Variants in ABCB9 observed in about 807,000 individuals in gnomAD.
The protein encoded by ABCB9 is ABC-type oligopeptide transporter ABCB9.
A neutral mutation model predicts 62.0 loss-of-function variants in ABCB9; 36 were observed. That is an observed-to-expected ratio of 0.58 (90% CI 0.45 to 0.77). The LOEUF (loss-of-function observed/expected upper bound fraction) is 0.77, where lower values mean the gene tolerates loss of function less well. Among genes scored for constraint, ABCB9 ranks in the 30% least tolerant of loss-of-function variants. The pLI, the probability that ABCB9 is intolerant of heterozygous loss-of-function variation, is 0.00. For synonymous variants in ABCB9, 435 were observed against 461.4 expected (o/e 0.94, Z 0.73); for missense variants, 943 against 1,054.7 (o/e 0.89, Z 1.47).
Position 122,947,139 on chromosome 12 carries a change from G to A in ABCB9, c.1054-917C>T, listed in dbSNP as rs549854432. 6.6e-5 allele frequency among the ~76,000 whole-genome samples: 10 copies of A among 152,310 alleles called. No homozygotes were observed. The highest frequency in any genetic ancestry group is 2.4e-4 in the African/African-American group (10 of 41,560). ...GAGGCCTCCCTTAGCTGAACTAAAAGGCAGGGCCTGCAGTGCACACAGAGG... is the reference window on the plus strand; with the variant it reads ...GAGGCCTCCCTTAGCTGAACTAAAAAGCAGGGCCTGCAGTGCACACAGAGG... On this transcript the variant is annotated intron_variant, in intron 5 of 11. Coordinates refer to ENST00000280560, the MANE Select transcript of ABCB9 (RefSeq NM_019625.4). This position sits in a 1 kb window ranked among gnomAD's most constrained non-coding sequence, Gnocchi z 6.0.
At chr12:122,970,591 T>TA (rs2037258882), upstream of ABCB9, among the ~76,000 whole-genome samples, 2 of 152,192 alleles carry the variant, frequency 1.3e-5, no homozygotes, top group Admixed American at 1.3e-4. Flanking sequence ...GAAGAAATGA[T>TA]AGATGTTTGA....
At position 122,946,039 on chromosome 12, in the gene ABCB9, C is replaced by T. The variant is rs143405953; in HGVS notation, c.1237G>A (p.Val413Ile). The change falls in exon 6 of 12, where the codon GTC becomes ATC. Residue 413 changes from valine to isoleucine, a missense_variant. Transcript: ENST00000280560. Reference sequence around the variant, plus strand: ...GGGGCACGTACCCCGCTGCCCCAGACGTAGTACATGTAGGCAGCTGCCTCC... The same window carrying T: ...GGGGCACGTACCCCGCTGCCCCAGATGTAGTACATGTAGGCAGCTGCCTCC... ...RKEAAAYMYYVWGSGLTLLVV... is the reference protein window; with the variant it reads ...RKEAAAYMYYIWGSGLTLLVV... The T allele has an allele frequency of 5.8e-5, 93 of 1,613,698 alleles. No homozygotes were observed. Among genetic ancestry groups the T allele is most frequent in the African/African-American group, 6.7e-5 (5 of 74,918 alleles).
downstream of ABCB9, chr12:122,928,887 A>G (rs1442807791): frequency 1.7e-6 from 1 of 574,286 alleles, no homozygotes; most frequent in African/African-American, 2.0e-5. Context: ...TGGACCACCC[A>G]AAGTCTCTCT....
rs1209542830 is a variant in ABCB9 at position 122,964,202 on chromosome 12, A to G, written c.-88+2085T>C. On this transcript the variant is annotated intron_variant, in intron 1 of 11. Coordinates refer to ENST00000280560, the MANE Select transcript of ABCB9 (RefSeq NM_019625.4). This position sits in a 1 kb window ranked among gnomAD's most constrained non-coding sequence, Gnocchi z 4.7. ...GATCCGCAAGAGACTCAAAACCTGGACAGCAGCCCAGGGGCTTGGCTGACT... is the reference window on the plus strand; with the variant it reads ...GATCCGCAAGAGACTCAAAACCTGGGCAGCAGCCCAGGGGCTTGGCTGACT... Among the ~76,000 whole-genome samples the G allele has an allele frequency of 6.6e-6, 1 of 152,126 alleles. No homozygotes were observed. The highest frequency in any genetic ancestry group is 1.5e-5 in the Non-Finnish European group (1 of 68,004).
intron 5 of ABCB9, among the ~76,000 whole-genome samples, chr12:122,946,987 G>A (rs959200934): frequency 2.6e-5 from 4 of 152,254 alleles, no homozygotes; most frequent in African/African-American, 9.6e-5. Flanking sequence ...CGCCCCAGCC[G>A]CAGGAAGCAT....
Position 122,960,599 on chromosome 12 carries a change from TAAGGA to T in ABCB9, c.-87-282_-87-278del, listed in dbSNP as rs141431149. Reference sequence around the variant, plus strand: ...ACATACTCATGCAGGAGACAGATAATAAGGAAATGGGCTCACGCCTGTAATCCCAG... The same window carrying T: ...ACATACTCATGCAGGAGACAGATAATAATGGGCTCACGCCTGTAATCCCAG... On this transcript the variant is annotated intron_variant, in intron 1 of 11. Coordinates refer to ENST00000280560, the MANE Select transcript of ABCB9 (RefSeq NM_019625.4). Among the ~76,000 whole-genome samples, 1,412 of 151,760 alleles carry T rather than the reference TAAGGA, an allele frequency of 9.3e-3. 22 individuals carry two copies. The highest frequency in any genetic ancestry group is 0.032 in the African/African-American group (1,323 of 41,352).
rs1416876746 is a variant in ABCB9, at chr12:122,944,305, C to T, written c.1380+86G>A. On this transcript the variant is annotated intron_variant, in intron 7 of 11. Transcript: ENST00000280560. This position sits in a 1 kb window ranked among gnomAD's most constrained non-coding sequence, Gnocchi z 4.9. ...GAGAAATACCACATTGTCAGAGTCC[C>T]TGGAGCCCCGCCCCCACCCTGTTAA... The T allele has an allele frequency of 9.2e-6, 14 of 1,522,376 alleles. No homozygotes were observed. The highest frequency in any genetic ancestry group is 1.4e-5 in the African/African-American group (1 of 72,588). The allele number at this position is 1,522,376 out of a possible 1,614,324, so 94.3% of individuals were successfully genotyped here. A position where few individuals can be genotyped will look rare whatever the true frequency, so the allele number is the denominator to read the frequency against.
intron 10 of ABCB9, among the ~76,000 whole-genome samples, chr12:122,934,163 G>A (rs768155387): frequency 4.6e-5 from 7 of 152,082 alleles, no homozygotes; most frequent in Non-Finnish European, 8.8e-5. Flanking sequence ...CAGGAGAATC[G>A]CTTGAACCTG....
intron 11 of ABCB9, among the ~76,000 whole-genome samples, chr12:122,923,444 G>A (rs1297089127): frequency 7.2e-5 from 11 of 152,114 alleles, no homozygotes; most frequent in South Asian, 2.1e-4. Context: ...CCGCCACCAC[G>A]CCCGGCTAAT....
chr12:122,945,150 T>C (rs73408859), intron 6 of ABCB9, among the ~76,000 whole-genome samples: 8,645 of 152,256 alleles, frequency 0.057, 589 homozygotes, highest in African/African-American at 0.16. Context: ...GAGGCTCAGC[T>C]AGCTGAGCTG....
Position 122,940,106 on chromosome 12 carries a change from C to G in ABCB9, c.1743+5G>C. 6.2e-7 allele frequency: 1 copy of G among 1,608,818 alleles called. No homozygotes were observed. Among genetic ancestry groups the G allele is most frequent in the Non-Finnish European group, 8.5e-7 (1 of 1,177,848 alleles). ...GAGAAGTGTGGCCCAGGCCCGTGCACATACCACACGGTGCAAGTACTTGTG... is the reference window on the plus strand; with the variant it reads ...GAGAAGTGTGGCCCAGGCCCGTGCAGATACCACACGGTGCAAGTACTTGTG... On this transcript the variant is annotated splice_donor_5th_base_variant and intron_variant, in intron 9 of 11. Transcript: ENST00000280560. The surrounding 1 kb of genome is among the most constrained non-coding windows in gnomAD (Gnocchi z 4.8).
chr12:122,921,116 T>C, intron 11 of ABCB9: 2 of 1,490,016 alleles, frequency 1.3e-6, no homozygotes, highest in Non-Finnish European at 9.0e-7. Context: ...CTCTGGATCA[T>C]GCAATTTAAA....
chr12:122,923,408 T>C (rs1242193072), intron 11 of ABCB9, among the ~76,000 whole-genome samples: 1 of 152,164 alleles, frequency 6.6e-6, no homozygotes, highest in Non-Finnish European at 1.5e-5. Flanking sequence ...CTGCTCAGCC[T>C]CCCGAGTAGC....
intron 10 of ABCB9, among the ~76,000 whole-genome samples, chr12:122,934,254 CACAA>C (rs2035342668): frequency 2.0e-5 from 3 of 152,042 alleles, no homozygotes; most frequent in Admixed American, 6.6e-5. Context: ...TCAATTAAAA[CACAA>C]ACAAACAAAA....
At chr12:122,933,424 C>T (rs2035295911) in intron 10 of ABCB9, among the ~76,000 whole-genome samples, 1 of 152,048 alleles carries the variant, frequency 6.6e-6, no homozygotes, top group African/African-American at 2.4e-5. Flanking sequence ...TATGGTGGCA[C>T]ATGCCTGTAA....
intron 2 of ABCB9, among the ~76,000 whole-genome samples, chr12:122,958,724 C>T (rs1302826306): frequency 1.3e-5 from 2 of 152,072 alleles, no homozygotes; most frequent in East Asian, 3.9e-4. Context: ...CCCCTGTAGT[C>T]CCAGCTATTT....
At position 122,945,901 on chromosome 12, in the gene ABCB9, AAGAC is replaced by A. The variant is rs1368308813; in HGVS notation, c.1251+120_1251+123del. ...TCAAAAAAAAAAAAAAAAAAAAAGAAAGACAGACAGATTCTCCACCAGCTTGACA... is the reference window on the plus strand; with the variant it reads ...TCAAAAAAAAAAAAAAAAAAAAAGAAAGACAGATTCTCCACCAGCTTGACA... On this transcript the variant is annotated intron_variant, in intron 6 of 11. Coordinates refer to ENST00000280560, the MANE Select transcript of ABCB9 (RefSeq NM_019625.4). The A allele has an allele frequency of 6.1e-4, 585 of 955,060 alleles. 1 individual carries two copies. The South Asian group carries it at 7.9e-3, about 13-fold the overall frequency. 59.2% of individuals were successfully genotyped at this position (955,060 alleles called of 1,614,324 possible).
chr12:122,927,309 C>T (rs967467157), downstream of ABCB9, among the ~76,000 whole-genome samples: 1 of 152,034 alleles, frequency 6.6e-6, no homozygotes, highest in Non-Finnish European at 1.5e-5. Context: ...GTAGCTGGGA[C>T]TACAGGCGTG....
upstream of ABCB9, among the ~76,000 whole-genome samples, chr12:122,971,488 T>A (rs2037270598): frequency 6.6e-6 from 1 of 152,106 alleles, no homozygotes; most frequent in African/African-American, 2.4e-5. Context: ...AGGGTCTCAT[T>A]CTGTCACCCA....
Sources: gnomAD v4.1 joint callset for allele counts (sites outside exome capture counted in the v4.1 genomes callset) on GRCh38, gnomAD v4.1.1 for gene constraint, Gnocchi (gnomAD v3.1) non-coding constraint, MANE v1.5 for transcripts, NCBI Gene and HGNC (gene_info 2026-07-23, HGNC 2026-07-21) for gene names.